Variants in NDE1 observed in about 807,000 individuals in gnomAD.
NDE1 encodes nuclear distribution protein nudE homolog 1.
NDE1 carries 28 observed loss-of-function variants against 43.4 expected under a neutral mutation model. The observed-to-expected ratio is 0.65, with a 90% CI of 0.48 to 0.89. NDE1 has a LOEUF of 0.89. Among genes scored for constraint, NDE1 ranks in the 40% least tolerant of loss-of-function variants. The probability of loss-of-function intolerance (pLI) is 0.00; values close to 1 mark genes in which losing one functional copy is unlikely to be tolerated. For synonymous variants in NDE1, 184 were observed against 172.0 expected (o/e 1.07, Z -0.55); for missense variants, 441 against 434.1 (o/e 1.02, Z -0.14).
intron 8 of NDE1, chr16:15,721,055 C>T (rs1454324082): frequency 6.2e-7 from 1 of 1,613,766 alleles, no homozygotes; most frequent in African/African-American, 1.3e-5. Context: ...CATGGACCTG[C>T]CGGCAGAGCG....
chr16:15,679,486 C>T (rs891418551), intron 4 of NDE1, among the ~76,000 whole-genome samples: 3 of 152,138 alleles, frequency 2.0e-5, no homozygotes, highest in East Asian at 1.9e-4. Context: ...AGTTGATAGA[C>T]GCCCTCTTCT....
intron 4 of NDE1, among the ~76,000 whole-genome samples, chr16:15,682,289 G>A (rs1454068690): frequency 6.6e-6 from 1 of 152,124 alleles, no homozygotes; most frequent in Non-Finnish European, 1.5e-5. Context: ...TGGGACTACA[G>A]TCATGTGCCA....
Position 15,725,536 on chromosome 16 carries a change from C to A in NDE1, c.*1285C>A. The stretch of plus-strand genomic sequence containing the variant: ...TCTCTGTATTCTCTGGCTTTTACTC[C>A]CTAGTGTCTCTGCATAAGTCCCTTT... On this transcript the variant is annotated 3_prime_UTR_variant, in exon 9 of 9. Transcript: ENST00000396354. 1 of 415,658 alleles carries A rather than the reference C, an allele frequency of 2.4e-6. No homozygotes were observed. Among genetic ancestry groups the A allele is most frequent in the Non-Finnish European group, 4.2e-6 (1 of 235,320 alleles). 25.7% of individuals were successfully genotyped at this position (415,658 alleles called of 1,614,324 possible). A position where few individuals can be genotyped will look rare whatever the true frequency, so the allele number is the denominator to read the frequency against.
chr16:15,682,712 G>A (rs1451118696), intron 4 of NDE1, among the ~76,000 whole-genome samples: 2 of 152,014 alleles, frequency 1.3e-5, no homozygotes, highest in East Asian at 1.9e-4. Context: ...CTTTTCATAA[G>A]TTTTTCATTT....
intron 3 of NDE1, among the ~76,000 whole-genome samples, chr16:15,676,799 G>A (rs2037904772): frequency 1.3e-5 from 2 of 152,130 alleles, no homozygotes; most frequent in African/African-American, 4.8e-5. Context: ...GAGTAGCTAG[G>A]ACTACAGGCA....
At chr16:15,695,819 A>T in intron 7 of NDE1, 1 of 579,390 alleles carries the variant, frequency 1.7e-6, no homozygotes, top group Non-Finnish European at 2.2e-6. Context: ...AGTATAGAGA[A>T]GCCTGGGGTG....
exon 1 of NDE1, chr16:15,643,820 G>T: frequency 6.4e-6 from 1 of 156,018 alleles, no homozygotes; most frequent in South Asian, 1.6e-4. Context: ...AGATTTTTGG[G>T]GACTTTAGCA....
In NDE1 at chr16:15,691,146, T is replaced by A; in HGVS notation, c.526T>A (p.Leu176Met). ...VQRLKDEARD[L>M]RQELAVQQKQ... is the part of the protein sequence containing the mutation. ...CCTGAATCCTTTTTCTGGCACAGAT[T>A]TGCGGCAGGAACTGGCCGTGCAGCA... Residue 176 changes from leucine (L) to methionine (M), a missense_variant and splice_region_variant, in exon 6 of 9, where the codon TTG (leucine) becomes ATG (methionine). Coordinates refer to ENST00000396354, the MANE Select transcript of NDE1 (RefSeq NM_017668.3). The A allele has an allele frequency of 6.2e-7, 1 of 1,614,024 alleles. No homozygotes were observed.
chr16:15,722,311 C>T (rs1335403692), intron 8 of NDE1, among the ~76,000 whole-genome samples: 1 of 152,206 alleles, frequency 6.6e-6, no homozygotes, highest in Non-Finnish European at 1.5e-5. Flanking sequence ...CTAAGAGCCT[C>T]AGTAGGGAAA....
At chr16:15,713,204 A>C (rs369794522) in intron 8 of NDE1, 3 of 152,050 alleles carry the variant, frequency 2.0e-5, no homozygotes, top group African/African-American at 7.3e-5. Context: ...GTCGGGTCCA[A>C]TGGAGGTGTT....
At chr16:15,644,083 C>G (rs1298314375) in intron 1 of NDE1, among the ~76,000 whole-genome samples, 1 of 152,074 alleles carries the variant, frequency 6.6e-6, no homozygotes, top group Non-Finnish European at 1.5e-5. Flanking sequence ...CAGCTGATTA[C>G]TATTTTCTGT....
intron 3 of NDE1, among the ~76,000 whole-genome samples, chr16:15,668,495 A>G (rs1025621297): frequency 2.0e-5 from 3 of 152,108 alleles, no homozygotes; most frequent in African/African-American, 7.2e-5. Flanking sequence ...GAACTCCTGG[A>G]CGCGAGCAGT....
At chr16:15,650,441 G>C (rs1303321702) in intron 1 of NDE1, 147 bp downstream of exon 1, 2 of 157,680 alleles carry the variant, frequency 1.3e-5, no homozygotes, top group African/African-American at 4.8e-5. Flanking sequence ...CTTGCGCGTC[G>C]CTTCCCGGCC....
At chr16:15,676,445 C>G (rs974818350) in intron 3 of NDE1, among the ~76,000 whole-genome samples, 24 of 152,054 alleles carry the variant, frequency 1.6e-4, no homozygotes, top group Non-Finnish European at 2.9e-4. Context: ...CTTCTGACCT[C>G]AGGTGATCCG....
chr16:15,708,633 T>C (rs1247765395), intron 8 of NDE1, among the ~76,000 whole-genome samples: 1 of 152,184 alleles, frequency 6.6e-6, no homozygotes, highest in Admixed American at 6.5e-5. Context: ...GTCATCCTGA[T>C]CTTGGTTTCA....
intron 1 of NDE1, among the ~76,000 whole-genome samples, chr16:15,653,796 C>T (rs1464898805): frequency 3.3e-5 from 5 of 151,092 alleles, no homozygotes; most frequent in Non-Finnish European, 7.4e-5. Context: ...GGGGCGATCT[C>T]GGCTCACTGC....
chr16:15,683,250 T>C lies in NDE1; in HGVS notation c.387-4125T>C, dbSNP rs1241749408. ...TTTACTGAAAATCTGTTTTCCTATT[T>C]AAGTATTTTCAGGTTCTCAATAACT... is the stretch of plus-strand genomic sequence containing the variant. On this transcript the variant is annotated intron_variant, in intron 4 of 8. Coordinates refer to ENST00000396354, the MANE Select transcript of NDE1 (RefSeq NM_017668.3). 5.3e-5 allele frequency: 8 copies of C among 152,196 alleles called. No individual in the cohort carries two copies. In the East Asian group the frequency reaches 1.3e-3, roughly 26 times the overall value. The allele number at this position is 152,196 out of a possible 1,614,324, so 9.4% of individuals were successfully genotyped here. A position where few individuals can be genotyped will look rare whatever the true frequency, so the allele number is the denominator to read the frequency against.
intron 2 of NDE1, 26 bp downstream of exon 2, chr16:15,664,887 C>A: frequency 7.5e-7 from 1 of 1,341,332 alleles, no homozygotes; most frequent in Non-Finnish European, 1.0e-6. Flanking sequence ...CCTGCTTTTC[C>A]TTTTTTTTTT....
At chr16:15,714,507 G>T (rs375450455) in intron 8 of NDE1, 2 of 330,022 alleles carry the variant, frequency 6.1e-6, no homozygotes. Context: ...GTGCTGAGGG[G>T]GAGAAAGGAG....
Sources: allele counts gnomAD v4.1 joint callset (sites outside exome capture counted in the v4.1 genomes callset), GRCh38; gene constraint gnomAD v4.1.1; transcripts MANE v1.5; gene names NCBI Gene and HGNC (gene_info 2026-07-23, HGNC 2026-07-21).